Variants in SEC23IP observed in about 807,000 individuals in gnomAD.
SEC23IP encodes SEC23 interacting protein.
Under a neutral mutation model 113.4 loss-of-function variants are expected in SEC23IP, and 70 were observed. The ratio of observed to expected loss-of-function variants is 0.62; its 90% CI spans 0.51 to 0.75. The LOEUF (loss-of-function observed/expected upper bound fraction) is 0.75, where lower values mean the gene tolerates loss of function less well. Ranked by LOEUF, SEC23IP falls within the 30% of genes least tolerant of loss-of-function variation. The pLI is 0.00. For missense variants in SEC23IP, 1,160 were observed against 1,204.9 expected, an observed-to-expected ratio of 0.96 and a Z score of 0.55; for synonymous variants, 398 against 421.0, an observed-to-expected ratio of 0.95 and a Z score of 0.67.
Position 119,929,544 on chromosome 10 carries a change from A to G in SEC23IP, c.2314-63A>G, listed in dbSNP as rs1193269759. On this transcript the variant is annotated intron_variant, in intron 13 of 18. Coordinates refer to ENST00000369075, the MANE Select transcript of SEC23IP (RefSeq NM_007190.4). ...CCACCACGCCCGGCCTGAAAATTCA[A>G]AAGAATTTTCTACTAGGTGACATTG... The G allele has an allele frequency of 3.4e-6, 5 of 1,471,008 alleles. No individual in the cohort carries two copies. In the East Asian group the frequency reaches 6.8e-5, roughly 20 times the overall value. 91.1% of individuals were successfully genotyped at this position (1,471,008 alleles called of 1,614,324 possible). A position where few individuals can be genotyped will look rare whatever the true frequency, so the allele number is the denominator to read the frequency against.
chr10:119,925,568 G>GTC (rs1167314500), intron 12 of SEC23IP, among the ~76,000 whole-genome samples: 1 of 151,716 alleles, frequency 6.6e-6, no homozygotes, highest in African/African-American at 2.4e-5. Flanking sequence ...TTTGAGACAG[G>GTC]TCTCTCTCTG....
At chr10:119,938,653 G>A (rs1023479694) in intron 18 of SEC23IP, among the ~76,000 whole-genome samples, 1 of 152,104 alleles carries the variant, frequency 6.6e-6, no homozygotes, top group Non-Finnish European at 1.5e-5. Context: ...CAGTTATCCC[G>A]AATGAAGTTC....
Position 119,919,449 on chromosome 10 carries a change from T to A in SEC23IP, c.1878T>A (p.Pro626=), listed in dbSNP as rs564291922. The part of the protein sequence containing the change: ...KQLHFQEKQM[P]EEPKLTLDES... ...TCATACTTTTTTTTTTAAAGATGCC[T>A]GAAGAGCCAAAGCTGACTTTGGATG... The change falls in exon 11 of 19, where the codon CCT becomes CCA. Residue 626 remains proline, a synonymous_variant. Coordinates refer to ENST00000369075, the MANE Select transcript of SEC23IP (RefSeq NM_007190.4). 1.3e-6 allele frequency: 2 copies of A among 1,591,354 alleles called. No homozygotes were observed. The highest frequency in any genetic ancestry group is 1.7e-6 in the Non-Finnish European group (2 of 1,173,462).
At position 119,902,792 on chromosome 10, in the gene SEC23IP, C is replaced by A. The variant is rs1589824442; in HGVS notation, c.697-7C>A. The A allele has an allele frequency of 6.2e-7, 1 of 1,612,612 alleles. No homozygotes were observed. Among genetic ancestry groups the A allele is most frequent in the Non-Finnish European group, 8.5e-7 (1 of 1,179,410 alleles). ...CATGACAGTCTTAACTTTGCCGTCCCCTCCAGGTTCCTTCTTCAGTGCAGT... is the reference window on the plus strand; with the variant it reads ...CATGACAGTCTTAACTTTGCCGTCCACTCCAGGTTCCTTCTTCAGTGCAGT... On this transcript the variant is annotated splice_region_variant and splice_polypyrimidine_tract_variant and intron_variant, in intron 2 of 18. Transcript: ENST00000369075.
chr10:119,905,109 G>T (rs1310648374), intron 4 of SEC23IP, among the ~76,000 whole-genome samples: 1 of 151,666 alleles, frequency 6.6e-6, no homozygotes, highest in Non-Finnish European at 1.5e-5. Context: ...ACTCCAGCCT[G>T]GGCAATGGGA....
chr10:119,903,101 T>C, intron 3 of SEC23IP, 92 bp downstream of exon 3: 2 of 1,066,542 alleles, frequency 1.9e-6, no homozygotes, highest in Non-Finnish European at 2.7e-6. Context: ...GAATGTCAAA[T>C]ACCTTAATCC....
Position 119,917,838 on chromosome 10 carries a change from A to C in SEC23IP, c.1547A>C (p.Asn516Thr), listed in dbSNP as rs1855104084. Residue 516 changes from asparagine to threonine, a missense_variant and splice_region_variant, in exon 9 of 19, where the codon AAT (asparagine) becomes ACT (threonine). Physicochemically the swap from Asn to Thr is moderately conservative, Grantham distance 65 (BLOSUM62 0). Transcript: ENST00000369075. ...GCTGTATTTTTCTTTTTAAACAGGA[A>C]TATTAAGAAAATCACTTTGCCAAGT... ...LGGDATGVDR[N>T]IKKITLPSIG... 2 of 1,611,882 alleles carry C rather than the reference A, an allele frequency of 1.2e-6. No homozygotes were observed. The highest frequency in any genetic ancestry group is 8.5e-7 in the Non-Finnish European group (1 of 1,178,278).
intron 15 of SEC23IP, 81 bp downstream of exon 15, chr10:119,930,512 GTC>G (rs1855562830): frequency 1.3e-6 from 1 of 741,888 alleles, no homozygotes; most frequent in Non-Finnish European, 2.3e-6. Context: ...ACACTAAATC[GTC>G]TCTGAGAGAA....
At chr10:119,916,133 T>G (rs1323809452) in intron 8 of SEC23IP, among the ~76,000 whole-genome samples, 1 of 152,240 alleles carries the variant, frequency 6.6e-6, no homozygotes, top group East Asian at 1.9e-4. Context: ...AATACAATTT[T>G]AATCTGTAGC....
intron 16 of SEC23IP, 100 bp from the exon 17 acceptor site, chr10:119,932,905 A>G (rs935529565): frequency 3.0e-6 from 3 of 1,015,250 alleles, no homozygotes; most frequent in Non-Finnish European, 4.4e-6. Context: ...AGGTTGCTAC[A>G]TGCGTCAAGC....
At chr10:119,934,299 C>G (rs1316678849) in intron 18 of SEC23IP, among the ~76,000 whole-genome samples, 1 of 152,234 alleles carries the variant, frequency 6.6e-6, no homozygotes, top group African/African-American at 2.4e-5. Flanking sequence ...GTACTCCTCA[C>G]ATCTGTCGCT....
At position 119,926,171 on chromosome 10, in the gene SEC23IP, GC is replaced by G; in HGVS notation, c.2258del (p.Ala753ValfsTer8). The G allele has an allele frequency of 1.2e-6, 2 of 1,614,180 alleles. No homozygotes were observed. The highest frequency in any genetic ancestry group is 1.7e-6 in the Non-Finnish European group (2 of 1,180,020). On this transcript the variant is annotated frameshift_variant, in exon 13 of 19. Transcript: ENST00000369075. LOFTEE classifies it high-confidence loss of function. The part of the protein sequence containing the change: ...NEPKRKLPVG[A>X]CVSSVCVNYE... The stretch of plus-strand genomic sequence containing the variant: ...GCCAAAGAGGAAACTTCCAGTTGGT[GC>G]TTGCGTGTCTTCTGTGTGTGTGAAT...
intron 4 of SEC23IP, among the ~76,000 whole-genome samples, chr10:119,906,404 A>C (rs1462615764): frequency 1.3e-5 from 2 of 149,410 alleles, no homozygotes; most frequent in Non-Finnish European, 1.5e-5. Flanking sequence ...CAAAATTCAC[A>C]TCAGGGTTTT....
rs959322373 is a variant in SEC23IP at position 119,941,395 on chromosome 10, T to G, written c.*830T>G. Reference sequence around the variant, plus strand: ...TTTTCTTCTTCTTTTTGTTTTCTATTAATTTCACTTATACCAAAGTGTTTG... The same window carrying G: ...TTTTCTTCTTCTTTTTGTTTTCTATGAATTTCACTTATACCAAAGTGTTTG... On this transcript the variant is annotated 3_prime_UTR_variant, in exon 19 of 19. Coordinates refer to ENST00000369075, the MANE Select transcript of SEC23IP (RefSeq NM_007190.4). The G allele has an allele frequency of 1.3e-5, 2 of 152,228 alleles. No individual in the cohort carries two copies. Among genetic ancestry groups the G allele is most frequent in the Non-Finnish European group, 2.9e-5 (2 of 68,040 alleles). 9.4% of individuals were successfully genotyped at this position (152,228 alleles called of 1,614,324 possible).
At chr10:119,912,901 A>G (rs1438689920) in intron 6 of SEC23IP, among the ~76,000 whole-genome samples, 1 of 152,102 alleles carries the variant, frequency 6.6e-6, no homozygotes, top group Non-Finnish European at 1.5e-5. Context: ...TCAGCCTCCC[A>G]AAGTGCTGGG....
Position 119,904,102 on chromosome 10 carries a change from G to T in SEC23IP, c.926G>T (p.Ser309Ile), listed in dbSNP as rs1308882382. Residue 309 changes from serine to isoleucine, a missense_variant, in exon 4 of 19, where the codon AGC (serine) becomes ATC (isoleucine). Physicochemically the swap from Ser to Ile is moderately radical, Grantham distance 142. Transcript: ENST00000369075. ...TCTCTAGTTCAGCCAGATCCGGAGA[G>T]CGTGGTTCTTGGCACGGATGGAGGG... ...IYNSVQPDPESVVLGTDGGRY... is the reference protein window; with the variant it reads ...IYNSVQPDPEIVVLGTDGGRY... The T allele has an allele frequency of 6.2e-7, 1 of 1,614,198 alleles. No homozygotes were observed. The highest frequency in any genetic ancestry group is 8.5e-7 in the Non-Finnish European group (1 of 1,180,014).
At chr10:119,926,369 T>G in intron 13 of SEC23IP, 142 bp downstream of exon 13, 1 of 836,364 alleles carries the variant, frequency 1.2e-6, no homozygotes, top group African/African-American at 1.7e-5. Flanking sequence ...TAGTGAAAAT[T>G]TTTTTCTTCT....
chr10:119,938,981 T>C (rs1483147913), intron 18 of SEC23IP, among the ~76,000 whole-genome samples: 1 of 152,236 alleles, frequency 6.6e-6, no homozygotes, highest in Non-Finnish European at 1.5e-5. Context: ...TTTATGTTCA[T>C]GTCCTTTTAG....
intron 8 of SEC23IP, 24 bp from the exon 9 acceptor site, chr10:119,917,812 T>C: frequency 6.4e-7 from 1 of 1,565,502 alleles, no homozygotes. Context: ...TGACTGAATG[T>C]GCTGTATTTT....
Sources: allele counts gnomAD v4.1 joint callset (sites outside exome capture counted in the v4.1 genomes callset), GRCh38; gene constraint gnomAD v4.1.1; transcripts MANE v1.5; gene names NCBI Gene and HGNC (gene_info 2026-07-23, HGNC 2026-07-21).